The following TMEM245 variants were observed in gnomAD, a reference collection of about 807,000 sequenced individuals.
TMEM245 encodes the protein protein CG-2.
In TMEM245, 69 loss-of-function variants were observed where a neutral mutation model predicts 101.2. That is an observed-to-expected ratio of 0.68 (90% CI 0.56 to 0.83). The LOEUF (loss-of-function observed/expected upper bound fraction) is 0.83, where lower values mean the gene tolerates loss of function less well. Among genes scored for constraint, TMEM245 ranks in the 40% least tolerant of loss-of-function variants. The pLI is 0.00. For synonymous variants in TMEM245, 537 were observed against 449.8 expected (o/e 1.19, Z -2.45); for missense variants, 1,075 against 1,092.8 (o/e 0.98, Z 0.23).
At chr9:109,060,079 A>G (rs922329795) in intron 11 of TMEM245, among the ~76,000 whole-genome samples, 3 of 152,234 alleles carry the variant, frequency 2.0e-5, no homozygotes, top group Non-Finnish European at 2.9e-5. Flanking sequence ...TGTGGCTTGC[A>G]TTACACTTCT....
At chr9:109,050,032 T>A (rs1404070542) in intron 14 of TMEM245, among the ~76,000 whole-genome samples, 1 of 152,202 alleles carries the variant, frequency 6.6e-6, no homozygotes, top group African/African-American at 2.4e-5. Context: ...CCTCAAGCAA[T>A]CTTCCTGCCT....
At chr9:109,047,251 C>T (rs1216452751) in intron 14 of TMEM245, among the ~76,000 whole-genome samples, 1 of 152,110 alleles carries the variant, frequency 6.6e-6, no homozygotes, top group Non-Finnish European at 1.5e-5. Context: ...TACTATGGAA[C>T]CAAGACATAA....
At chr9:109,048,911 A>G (rs930620313) in intron 14 of TMEM245, among the ~76,000 whole-genome samples, 1 of 152,178 alleles carries the variant, frequency 6.6e-6, no homozygotes, top group African/African-American at 2.4e-5. Flanking sequence ...AGAGATAAAC[A>G]ACGATTCTGC....
At chr9:109,022,917 C>A (rs920508672) in intron 17 of TMEM245, among the ~76,000 whole-genome samples, 1 of 152,190 alleles carries the variant, frequency 6.6e-6, no homozygotes, top group Non-Finnish European at 1.5e-5. Context: ...ATTAACTATT[C>A]ATTTCCTCTA....
intron 8 of TMEM245, among the ~76,000 whole-genome samples, chr9:109,073,756 T>C (rs909076889): frequency 6.6e-6 from 1 of 152,226 alleles, no homozygotes; most frequent in Non-Finnish European, 1.5e-5. Flanking sequence ...TATAAATGTG[T>C]TTGTGTATCT....
intron 9 of TMEM245, among the ~76,000 whole-genome samples, chr9:109,067,497 C>A (rs750727099): frequency 1.3e-5 from 2 of 152,154 alleles, no homozygotes; most frequent in African/African-American, 2.4e-5. Context: ...CACCTACTAC[C>A]TACCAAGAGA....
At chr9:109,044,516 C>T (rs1175647415) in intron 14 of TMEM245, among the ~76,000 whole-genome samples, 1 of 152,106 alleles carries the variant, frequency 6.6e-6, no homozygotes, top group Non-Finnish European at 1.5e-5. Flanking sequence ...ACTGTCATTC[C>T]CCTTCCCAGT....
At chr9:109,094,151 T>C (rs1166574262) in intron 3 of TMEM245, among the ~76,000 whole-genome samples, 1 of 152,232 alleles carries the variant, frequency 6.6e-6, no homozygotes, top group African/African-American at 2.4e-5. Context: ...TGTTTCACAT[T>C]ATATATTTCC....
rs751739620 is a variant in TMEM245, at chr9:109,083,901, C to CAAAAAAAAAAAAAAAAAAAAAAA, written c.1344+2073_1344+2095dup. 2.0e-3 allele frequency among the ~76,000 whole-genome samples: 69 copies of CAAAAAAAAAAAAAAAAAAAAAAA among 34,472 alleles called. 17 individuals carry two copies. Among genetic ancestry groups the CAAAAAAAAAAAAAAAAAAAAAAA allele is most frequent in the South Asian group, 2.9e-3 (2 of 682 alleles). 22.6% of individuals were successfully genotyped at this position (34,472 alleles called of 152,430 possible). On this transcript the variant is annotated intron_variant, in intron 7 of 17. Transcript: ENST00000374586. ...CAAAACCCCATCTCTACTAAAAATACAAAAAAAAAAAAAAAAAAAAAAAAA... is the reference window on the plus strand; with the variant it reads ...CAAAACCCCATCTCTACTAAAAATACAAAAAAAAAAAAAAAAAAAAAAAAAAAAAAAAAAAAAAAAAAAAAAAA...
chr9:109,073,844 CTTT>C (rs1286950802), intron 8 of TMEM245, among the ~76,000 whole-genome samples: 2 of 121,570 alleles, frequency 1.6e-5, no homozygotes, highest in Admixed American at 1.7e-4. Context: ...AAGGAACTAA[CTTT>C]TTTTTTTTGT....
At chr9:109,057,922 TTTC>T (rs1384995616) in intron 11 of TMEM245, among the ~76,000 whole-genome samples, 259 of 128,034 alleles carry the variant, frequency 2.0e-3, no homozygotes, top group African/African-American at 4.7e-3. Context: ...CAGCATTTAC[TTTC>T]TTTTTTTTTT....
At chr9:109,029,431 A>T (rs959586019) in intron 17 of TMEM245, among the ~76,000 whole-genome samples, 2 of 152,184 alleles carry the variant, frequency 1.3e-5, no homozygotes, top group African/African-American at 4.8e-5. Context: ...AATAATAAAA[A>T]TTGCTTCAGA....
In TMEM245 at chr9:109,090,949, C is replaced by A. The variant is rs773253219; in HGVS notation, c.1123G>T (p.Val375Leu). ...VMQIWLNLWI[V>L]QLLPVPIAVW... ...GCAATCGGCACTGGCAGCAACTGCA[C>A]AATCCACAGGTTCAACCAGATCTGC... Residue 375 changes from valine to leucine, a missense_variant, in exon 5 of 18, where the codon GTG (valine) becomes TTG (leucine). Physicochemically the swap from Val to Leu is conservative, Grantham distance 32 (BLOSUM62 1). Transcript: ENST00000374586. 1 of 1,614,174 alleles carries A rather than the reference C, an allele frequency of 6.2e-7. No homozygotes were observed. The highest frequency in any genetic ancestry group is 1.1e-5 in the South Asian group (1 of 91,074).
chr9:109,104,825 T>C (rs757530043), intron 3 of TMEM245, among the ~76,000 whole-genome samples: 4 of 152,194 alleles, frequency 2.6e-5, no homozygotes, highest in Non-Finnish European at 4.4e-5. Context: ...AAGAATGAGG[T>C]TGGATCCTTA....
At chr9:109,119,269 G>A in intron 1 of TMEM245, 66 bp downstream of exon 1, 1 of 1,441,452 alleles carries the variant, frequency 6.9e-7, no homozygotes, top group Non-Finnish European at 9.2e-7. Flanking sequence ...AGGAACAGCT[G>A]CAGGATTGCA....
At chr9:109,025,541 C>CA (rs1827768005) in intron 17 of TMEM245, among the ~76,000 whole-genome samples, 1 of 152,166 alleles carries the variant, frequency 6.6e-6, no homozygotes, top group Non-Finnish European at 1.5e-5. Context: ...CAAGGTGTAA[C>CA]AGAGGGCAAA....
intron 7 of TMEM245, among the ~76,000 whole-genome samples, chr9:109,083,916 A>AAAACAAAAAAAAAC (rs1829751217): frequency 7.5e-6 from 1 of 132,502 alleles, no homozygotes; most frequent in African/African-American, 2.7e-5. Flanking sequence ...AAAAAAAAAA[A>AAAACAAAAAAAAAC]AAAAAAAAAA....
chr9:109,119,579 A>C lies in TMEM245; in HGVS notation c.335T>G (p.Leu112Arg), dbSNP rs769652571. The C allele has an allele frequency of 7.1e-6, 11 of 1,545,572 alleles. No individual in the cohort carries two copies. Among genetic ancestry groups the C allele is most frequent in the Non-Finnish European group, 8.7e-6 (10 of 1,150,158 alleles). The change falls in exon 1 of 18, where the codon CTG (leucine) becomes CGG (arginine). Residue 112 changes from leucine (L) to arginine (R), a missense_variant. By Grantham distance (102) the Leu-to-Arg change is moderately radical. This residue lies in a region of TMEM245 where 808 missense variants were observed against 741.5 expected (regional missense o/e 1.09). Transcript: ENST00000374586. ...TRLGRHWLQR[L>R]HRAHTPIVLA... Reference sequence around the variant, plus strand: ...GACGATGGGCGTGTGCGCGCGGTGCAGGCGCTGCAGCCAGTGGCGGCCCAG... The same window carrying C: ...GACGATGGGCGTGTGCGCGCGGTGCCGGCGCTGCAGCCAGTGGCGGCCCAG...
At chr9:109,045,877 A>G (rs545045093) in intron 14 of TMEM245, among the ~76,000 whole-genome samples, 23 of 152,262 alleles carry the variant, frequency 1.5e-4, no homozygotes, top group African/African-American at 5.3e-4. Context: ...GTTGGGAGAG[A>G]TTTCTTCAAA....
Sources: gnomAD v4.1 joint callset for allele counts (sites outside exome capture counted in the v4.1 genomes callset) on GRCh38, gnomAD v4.1.1 for gene constraint, gnomAD v4.1.1 regional missense constraint, MANE v1.5 for transcripts, NCBI Gene and HGNC (gene_info 2026-07-23, HGNC 2026-07-21) for gene names.